The following DLG4 variants were observed in gnomAD, a reference collection of about 807,000 sequenced individuals.
DLG4 encodes the protein disks large homolog 4.
A neutral mutation model predicts 93.8 loss-of-function variants in DLG4; 7 were observed. The ratio of observed to expected loss-of-function variants is 0.07; its 90% CI spans 0.04 to 0.14. The LOEUF (loss-of-function observed/expected upper bound fraction) is 0.14, where lower values mean the gene tolerates loss of function less well. Ranked by LOEUF, DLG4 falls within the 10% of genes least tolerant of loss-of-function variation. DLG4 has a pLI of 1.00. For synonymous variants in DLG4, 341 were observed against 387.6 expected (o/e 0.88, Z 1.41); for missense variants, 545 against 992.9 (o/e 0.55, Z 6.06).
At position 7,196,505 on chromosome 17, in the gene DLG4, G is replaced by A. The variant is rs1385958753; in HGVS notation, c.1154C>T (p.Thr385Met). 11 of 1,614,044 alleles carry A rather than the reference G, an allele frequency of 6.8e-6. No homozygotes were observed. The highest frequency in any genetic ancestry group is 7.6e-6 in the Non-Finnish European group (9 of 1,179,904). ...AAIALKNAGQ[T>M]VTIIAQYKPE... is the part of the protein sequence containing the mutation. ...TTTATACTGAGCGATGATCGTGACC[G>A]TCTGACCCGCATTCTTCAGGGCAAT... The change falls in exon 10 of 20, where the codon ACG becomes ATG. Residue 385 changes from threonine to methionine, a missense_variant. This residue lies in a region of DLG4 where 428 missense variants were observed against 741.4 expected (regional missense o/e 0.58). Coordinates refer to ENST00000399506, the MANE Select transcript of DLG4 (RefSeq NM_001321075.3). The surrounding 1 kb of genome is among the most constrained non-coding windows in gnomAD (Gnocchi z 8.3).
intron 1 of DLG4, among the ~76,000 whole-genome samples, chr17:7,213,389 C>G (rs992814503): frequency 6.6e-6 from 1 of 152,032 alleles, no homozygotes; most frequent in Non-Finnish European, 1.5e-5. Flanking sequence ...TGTGAGCCAC[C>G]GCACCCGGCA....
intron 2 of DLG4, among the ~76,000 whole-genome samples, chr17:7,206,621 G>A (rs1256887545): frequency 1.3e-5 from 2 of 151,906 alleles, no homozygotes; most frequent in East Asian, 1.9e-4. Flanking sequence ...CACAGAATTC[G>A]CACAAACACT....
At chr17:7,216,884 G>A (rs1174779441) in intron 1 of DLG4, among the ~76,000 whole-genome samples, 1 of 151,768 alleles carries the variant, frequency 6.6e-6, no homozygotes, top group African/African-American at 2.4e-5. Context: ...CCGAACCATG[G>A]AATATCCTAA....
At chr17:7,209,271 C>T (rs1395702153) in intron 1 of DLG4, among the ~76,000 whole-genome samples, 3 of 152,108 alleles carry the variant, frequency 2.0e-5, no homozygotes, top group East Asian at 1.9e-4. Context: ...AACTGGGGGC[C>T]AGAGAAGGAG....
In DLG4 at chr17:7,191,911, C is replaced by T. The variant is rs756267089; in HGVS notation, c.1958G>A (p.Arg653His). The T allele has an allele frequency of 7.5e-6, 11 of 1,476,418 alleles. No homozygotes were observed. The highest frequency in any genetic ancestry group is 4.3e-5 in the South Asian group (3 of 70,472). 91.5% of individuals were successfully genotyped at this position (1,476,418 alleles called of 1,614,324 possible). Residue 653 changes from arginine to histidine, a missense_variant, in exon 18 of 20, where the codon CGC becomes CAC. This residue lies in a region of DLG4 where 428 missense variants were observed against 741.4 expected (regional missense o/e 0.58). Coordinates refer to ENST00000399506, the MANE Select transcript of DLG4 (RefSeq NM_001321075.3). This position sits in a 1 kb window ranked among gnomAD's most constrained non-coding sequence, Gnocchi z 6.6. ...LHPIAIFIRP[R>H]SLENVLEINK... Reference sequence around the variant, plus strand: ...TACTCACAGCACATTCTCCAGGGAGCGGGGGCGGATGAAGATGGCGATGGG... The same window carrying T: ...TACTCACAGCACATTCTCCAGGGAGTGGGGGCGGATGAAGATGGCGATGGG...
upstream of DLG4, chr17:7,218,539 AC>A: frequency 6.4e-7 from 1 of 1,557,688 alleles, no homozygotes; most frequent in Non-Finnish European, 8.7e-7. Flanking sequence ...CGGGCTACTC[AC>A]CCAGCAAGGC....
Position 7,193,949 on chromosome 17 carries a change from C to T in DLG4, c.1515+15G>A. 4 of 1,613,770 alleles carry T rather than the reference C, an allele frequency of 2.5e-6. No homozygotes were observed. The highest frequency in any genetic ancestry group is 1.1e-5 in the South Asian group (1 of 91,014). ...CCTCACACTTCCACCCAGGCTCACA[C>T]CCTCCTCCACCTACCTTGGCCTTTA... is the stretch of plus-strand genomic sequence containing the variant. On this transcript the variant is annotated intron_variant, in intron 13 of 19. Coordinates refer to ENST00000399506, the MANE Select transcript of DLG4 (RefSeq NM_001321075.3). The surrounding 1 kb of genome is among the most constrained non-coding windows in gnomAD (Gnocchi z 6.7).
intron 8 of DLG4, among the ~76,000 whole-genome samples, chr17:7,198,221 T>C (rs1349647129): frequency 6.6e-6 from 1 of 152,160 alleles, no homozygotes; most frequent in East Asian, 1.9e-4. Context: ...CGATGGCTCA[T>C]GCCTGTAATC....
chr17:7,202,892 A>G lies in DLG4; in HGVS notation c.787+11T>C. On this transcript the variant is annotated intron_variant, in intron 8 of 19. Coordinates refer to ENST00000399506, the MANE Select transcript of DLG4 (RefSeq NM_001321075.3). ...GGTCATGGGGAACTTTGGTGTTTGA[A>G]GGGCTCTCACAGGTTGTGATGTCTG... is the stretch of plus-strand genomic sequence containing the variant. The G allele has an allele frequency of 1.2e-6, 2 of 1,613,816 alleles. No homozygotes were observed. The highest frequency in any genetic ancestry group is 1.7e-6 in the Non-Finnish European group (2 of 1,179,738).
intron 2 of DLG4, among the ~76,000 whole-genome samples, chr17:7,205,677 A>C (rs2070425264): frequency 6.7e-6 from 1 of 150,032 alleles, no homozygotes; most frequent in Non-Finnish European, 1.5e-5. Flanking sequence ...TGACTGCCAA[A>C]ATCTCATCCA....
At position 7,204,075 on chromosome 17, in the gene DLG4, G is replaced by A. The variant is rs1394588983; in HGVS notation, c.151-8C>T. 6.2e-7 allele frequency: 1 copy of A among 1,607,314 alleles called. No homozygotes were observed. Among genetic ancestry groups the A allele is most frequent in the East Asian group, 2.2e-5 (1 of 44,622 alleles). ...CCCGTTCACCTGCAACTCCAGCACG[G>A]GACAGAAACACAAAAGCAGTGAGAC... On this transcript the variant is annotated splice_region_variant and splice_polypyrimidine_tract_variant and intron_variant, in intron 3 of 19. Coordinates refer to ENST00000399506, the MANE Select transcript of DLG4 (RefSeq NM_001321075.3).
chr17:7,217,657 A>T, upstream of DLG4: 1 of 1,167,360 alleles, frequency 8.6e-7, no homozygotes, highest in East Asian at 3.5e-5. Context: ...GGAGGGAGGG[A>T]GCTAGGAGCC....
At chr17:7,205,368 C>T (rs1179539569) in intron 2 of DLG4, among the ~76,000 whole-genome samples, 1 of 152,174 alleles carries the variant, frequency 6.6e-6, no homozygotes, top group African/African-American at 2.4e-5. Flanking sequence ...CCAGGGCAAC[C>T]GAAGCCACGT....
Position 7,193,848 on chromosome 17 carries a change from C to A in DLG4, c.1539G>T (p.Ser513=), listed in dbSNP as rs370674618. 65 of 1,612,664 alleles carry A rather than the reference C, an allele frequency of 4.0e-5. No individual in the cohort carries two copies. The highest frequency in any genetic ancestry group is 3.3e-4 in the Middle Eastern group (2 of 6,084). ...KAKDWGSSSG[S]QGREDSVLSY... ...TCCCGAACTAACCCTACCTACCCTG[C>A]GATCCAGAGCTGGAGCCCCAGTCCT... Residue 513 remains serine, a synonymous_variant, in exon 14 of 20, where the codon TCG becomes TCT. Transcript: ENST00000399506. The surrounding 1 kb of genome is among the most constrained non-coding windows in gnomAD (Gnocchi z 6.7).
At chr17:7,200,125 T>C (rs1423164517) in intron 8 of DLG4, among the ~76,000 whole-genome samples, 2 of 152,350 alleles carry the variant, frequency 1.3e-5, no homozygotes, top group African/African-American at 4.8e-5. Context: ...TCATATTTTG[T>C]AGGGGCTGCC....
At chr17:7,218,382 C>G, upstream of DLG4, 1 of 1,439,786 alleles carries the variant, frequency 6.9e-7, no homozygotes, top group South Asian at 1.2e-5. Context: ...GGGAGGAGCC[C>G]TTTCAGCCAA....
chr17:7,217,888 C>T (rs1330844254), upstream of DLG4: 19 of 1,433,702 alleles, frequency 1.3e-5, no homozygotes, highest in Admixed American at 1.4e-4. Context: ...TATTTGAATA[C>T]GGGAGGGAGG....
At position 7,190,606 on chromosome 17, in the gene DLG4, TG is replaced by T; in HGVS notation, c.*101del. The T allele has an allele frequency of 1.2e-6, 1 of 830,978 alleles. No homozygotes were observed. The highest frequency in any genetic ancestry group is 2.0e-6 in the Non-Finnish European group (1 of 495,236). 51.5% of individuals were successfully genotyped at this position (830,978 alleles called of 1,614,324 possible). ...TAGAAAGGAAATAAATAAGAAGGGG[TG>T]GGAGGGAGGCCGGGGGGAGCCAAGG... is the stretch of plus-strand genomic sequence containing the variant. On this transcript the variant is annotated 3_prime_UTR_variant, in exon 20 of 20. Coordinates refer to ENST00000399506, the MANE Select transcript of DLG4 (RefSeq NM_001321075.3).
At chr17:7,207,802 G>A (rs1354450906) in intron 2 of DLG4, among the ~76,000 whole-genome samples, 1 of 150,064 alleles carries the variant, frequency 6.7e-6, no homozygotes, top group Non-Finnish European at 1.5e-5. Flanking sequence ...CACAGCACAC[G>A]CGCACAGGCA....
Sources: allele counts gnomAD v4.1 joint callset (sites outside exome capture counted in the v4.1 genomes callset), GRCh38; gene constraint gnomAD v4.1.1; regional missense constraint gnomAD v4.1.1; non-coding constraint Gnocchi (gnomAD v3.1); transcripts MANE v1.5; gene names NCBI Gene and HGNC (gene_info 2026-07-23, HGNC 2026-07-21).